The following TNR variants were observed in gnomAD, a reference collection of about 807,000 sequenced individuals.
The protein encoded by TNR is tenascin R, also known as tenascin-R.
TNR carries 45 observed loss-of-function variants against 150.4 expected under a neutral mutation model. That is an observed-to-expected ratio of 0.30 (90% CI 0.24 to 0.38). The LOEUF is 0.38. Ranked by LOEUF, TNR falls within the 10% of genes least tolerant of loss-of-function variation. TNR has a pLI of 1.00. For missense variants in TNR, 1,544 were observed against 1,759.1 expected, an observed-to-expected ratio of 0.88 and a Z score of 2.19; for synonymous variants, 687 against 678.4, an observed-to-expected ratio of 1.01 and a Z score of -0.20.
intron 1 of TNR, among the ~76,000 whole-genome samples, chr1:175,545,785 C>T (rs1057095104): frequency 6.6e-6 from 1 of 152,182 alleles, no homozygotes; most frequent in Non-Finnish European, 1.5e-5. Flanking sequence ...AAGTAGCAAA[C>T]GGAGGCCATC....
At chr1:175,683,990 G>C (rs1485513609) in intron 1 of TNR, among the ~76,000 whole-genome samples, 1 of 152,192 alleles carries the variant, frequency 6.6e-6, no homozygotes, top group Non-Finnish European at 1.5e-5. Flanking sequence ...TGCTCCGGGA[G>C]CTGGGAGACT....
At position 175,579,163 on chromosome 1, in the gene TNR, T is replaced by TC. The variant is rs1398978219; in HGVS notation, c.-164-50795dup. On this transcript the variant is annotated intron_variant, in intron 1 of 22. Coordinates refer to ENST00000367674, the MANE Select transcript of TNR (RefSeq NM_003285.3). ...TCCTCCTATCCTTCCCTTCGTTCCTTCTTTCCTTCCTTCCTTCCTTCCTTC... is the reference window on the plus strand; with the variant it reads ...TCCTCCTATCCTTCCCTTCGTTCCTTCCTTTCCTTCCTTCCTTCCTTCCTTC... Among the ~76,000 whole-genome samples the TC allele has an allele frequency of 9.2e-5, 13 of 141,018 alleles. No individual in the cohort carries two copies. The South Asian group carries it at 1.3e-3, about 14-fold the overall frequency. The allele number at this position is 141,018 out of a possible 152,430, so 92.5% of individuals were successfully genotyped here.
Position 175,480,821 on chromosome 1 carries a change from C to A in TNR, c.-64+47448G>T, listed in dbSNP as rs562024236. 1.5e-3 allele frequency among the ~76,000 whole-genome samples: 226 copies of A among 152,180 alleles called. 1 individual carries two copies. Among genetic ancestry groups the A allele is most frequent in the Non-Finnish European group, 2.6e-3 (178 of 67,996 alleles). ...CTCCAAGTGCCTAATGGCTTAAATT[C>A]CCCCCTGCCTTTTTTAGCTCTTTGA... is the stretch of plus-strand genomic sequence containing the variant. On this transcript the variant is annotated intron_variant, in intron 2 of 22. Transcript: ENST00000367674.
intron 1 of TNR, among the ~76,000 whole-genome samples, chr1:175,604,250 G>T (rs997758561): frequency 1.3e-5 from 2 of 152,164 alleles, no homozygotes; most frequent in Admixed American, 6.5e-5. Context: ...AGCGGAGATG[G>T]ATGGCCCCTC....
chr1:175,698,993 G>A (rs1666611042), intron 1 of TNR, among the ~76,000 whole-genome samples: 1 of 152,182 alleles, frequency 6.6e-6, no homozygotes, highest in East Asian at 1.9e-4. Flanking sequence ...AATAGACTGG[G>A]AGTGGGCAGG....
chr1:175,450,930 C>A (rs1656277549), intron 2 of TNR, among the ~76,000 whole-genome samples: 1 of 152,162 alleles, frequency 6.6e-6, no homozygotes, highest in African/African-American at 2.4e-5. Flanking sequence ...CTCCACCATT[C>A]TTTTTTTCTC....
chr1:175,509,210 A>T (rs1038331206), intron 2 of TNR, among the ~76,000 whole-genome samples: 1 of 152,164 alleles, frequency 6.6e-6, no homozygotes, highest in Non-Finnish European at 1.5e-5. Context: ...TTCCTCCGCC[A>T]GTGGTGTTTT....
At chr1:175,526,418 A>G (rs146754155) in intron 2 of TNR, among the ~76,000 whole-genome samples, 1,530 of 151,964 alleles carry the variant, frequency 0.01, 13 homozygotes, top group Non-Finnish European at 0.016. Context: ...TTGAAAATGC[A>G]TGATCATGGA....
intron 1 of TNR, among the ~76,000 whole-genome samples, chr1:175,697,114 T>C (rs114625160): frequency 1.1e-4 from 16 of 151,688 alleles, no homozygotes; most frequent in African/African-American, 3.9e-4. Flanking sequence ...TATATGTATG[T>C]ACATATATCT....
At chr1:175,698,504 T>C (rs988921023) in intron 1 of TNR, among the ~76,000 whole-genome samples, 4 of 151,886 alleles carry the variant, frequency 2.6e-5, no homozygotes. Flanking sequence ...GGAGGATTGA[T>C]GGGTGAGGCT....
rs752355653 is a variant in TNR, at chr1:175,547,654, AGAAG to A, written c.-164-19289_-164-19286del. On this transcript the variant is annotated intron_variant, in intron 1 of 22. Transcript: ENST00000367674. ...GAAAGAAAGAGAAAGAAAGAAAGGAAGAAGAAAGAAAGAAAGAAAGAGAGAGAGA... is the reference window on the plus strand; with the variant it reads ...GAAAGAAAGAGAAAGAAAGAAAGGAAAAAGAAAGAAAGAAAGAGAGAGAGA... Among the ~76,000 whole-genome samples, 530 of 143,006 alleles carry A rather than the reference AGAAG, an allele frequency of 3.7e-3. 5 individuals are homozygous for A. The highest frequency in any genetic ancestry group is 7.8e-3 in the South Asian group (36 of 4,644). The allele number at this position is 143,006 out of a possible 152,430, so 93.8% of individuals were successfully genotyped here.
At chr1:175,477,768 C>T (rs1298555174) in intron 2 of TNR, among the ~76,000 whole-genome samples, 1 of 152,222 alleles carries the variant, frequency 6.6e-6, no homozygotes, top group Non-Finnish European at 1.5e-5. Context: ...ACAACATAAA[C>T]TCAGTCAGTT....
At chr1:175,633,310 T>G (rs969328764) in intron 1 of TNR, among the ~76,000 whole-genome samples, 4 of 152,196 alleles carry the variant, frequency 2.6e-5, no homozygotes, top group African/African-American at 9.7e-5. Flanking sequence ...TGTTCTTTTT[T>G]TGTTTCCACT....
rs148598031 is a variant in TNR, at chr1:175,460,525, A to G, written c.-63-53748T>C. Among the ~76,000 whole-genome samples, 7 of 152,288 alleles carry G rather than the reference A, an allele frequency of 4.6e-5. No individual in the cohort carries two copies. The East Asian group carries it at 9.6e-4, about 21-fold the overall frequency. On this transcript the variant is annotated intron_variant, in intron 2 of 22. Coordinates refer to ENST00000367674, the MANE Select transcript of TNR (RefSeq NM_003285.3). ...GAAATATTAGTAATTGGATCATCAC[A>G]TATTACTTTCTGTTCTGCCACAAAA...
intron 7 of TNR, among the ~76,000 whole-genome samples, 164 bp downstream of exon 7, chr1:175,391,124 G>A (rs1267357430): frequency 6.6e-6 from 1 of 152,246 alleles, no homozygotes; most frequent in African/African-American, 2.4e-5. Context: ...AAGATGATGA[G>A]CTAAGCATCT....
chr1:175,719,178 A>G (rs1359228579), intron 1 of TNR, among the ~76,000 whole-genome samples: 1 of 152,324 alleles, frequency 6.6e-6, no homozygotes, highest in African/African-American at 2.4e-5. Flanking sequence ...CCAAAAAGTG[A>G]GGATATGGAG....
intron 18 of TNR, 28 bp from the exon 19 acceptor site, chr1:175,337,707 A>C (rs780827021): frequency 1.9e-6 from 3 of 1,612,132 alleles, no homozygotes; most frequent in East Asian, 2.2e-5. Context: ...AATGTCCAGA[A>C]AGGATTCTTT....
At chr1:175,619,733 G>A (rs573602165) in intron 1 of TNR, among the ~76,000 whole-genome samples, 19 of 152,284 alleles carry the variant, frequency 1.2e-4, no homozygotes, top group African/African-American at 4.1e-4. Context: ...GCAGAGCCAG[G>A]AAAAGTACCC....
intron 2 of TNR, among the ~76,000 whole-genome samples, chr1:175,428,275 T>A (rs1655104676): frequency 6.6e-6 from 1 of 152,188 alleles, no homozygotes; most frequent in African/African-American, 2.4e-5. Flanking sequence ...CCTTTTTAAT[T>A]CTTGCTGTAC....
Sources: gnomAD v4.1 joint callset for allele counts (sites outside exome capture counted in the v4.1 genomes callset) on GRCh38, gnomAD v4.1.1 for gene constraint, MANE v1.5 for transcripts, NCBI Gene and HGNC (gene_info 2026-07-23, HGNC 2026-07-21) for gene names.